C12orf54: variants seen among roughly 807,000 people sequenced by gnomAD.
The protein encoded by C12orf54 is uncharacterized protein C12orf54.
In C12orf54, 24 loss-of-function variants were observed where a neutral mutation model predicts 26.4. The observed-to-expected ratio is 0.91, with a 90% CI of 0.66 to 1.28. The LOEUF is 1.28. Ranked by LOEUF, C12orf54 falls within the 50% of genes most tolerant of loss-of-function variation. The pLI, the probability that C12orf54 is intolerant of heterozygous loss-of-function variation, is 0.00. For synonymous variants in C12orf54, 54 were observed against 47.0 expected (o/e 1.15, Z -0.61); for missense variants, 154 against 150.9 (o/e 1.02, Z -0.11).
chr12:48,476,057 A>G, the C12orf54 span, among the ~76,000 whole-genome samples: 147 of 152,118 alleles, frequency 9.7e-4, no homozygotes, highest in Non-Finnish European at 1.7e-3. Flanking sequence ...CTCGGCAGAA[A>G]CTCTACAAGC....
At position 48,483,306 on chromosome 12, in the gene C12orf54, C is replaced by A; in HGVS notation, c.10C>A (p.His4Asn). The A allele has an allele frequency of 1.2e-6, 2 of 1,613,976 alleles. No homozygotes were observed. The highest frequency in any genetic ancestry group is 2.2e-5 in the South Asian group (2 of 91,076). The change falls in exon 2 of 9, where the codon CAT becomes AAT. Residue 4 changes from histidine (H) to asparagine (N), a missense_variant. By Grantham distance (68) the His-to-Asn change is moderately conservative (BLOSUM62 1). Coordinates refer to ENST00000548364, the MANE Select transcript of C12orf54 (RefSeq NM_152319.4). MAQ[H>N]PCQDQEQKVE... ...TTCTGTCTGAGAACAAATGGCACAGCATCCCTGCCAGGATCAGGAACAAAA... is the reference window on the plus strand; with the variant it reads ...TTCTGTCTGAGAACAAATGGCACAGAATCCCTGCCAGGATCAGGAACAAAA...
intron 6 of C12orf54, among the ~76,000 whole-genome samples, chr12:48,492,682 G>A (rs983851251): frequency 2.0e-5 from 3 of 152,178 alleles, no homozygotes; most frequent in Admixed American, 1.3e-4. Flanking sequence ...AGCGCCCTGG[G>A]ATGGAAACAT....
chr12:48,427,732 A>G, the C12orf54 span, among the ~76,000 whole-genome samples: 32 of 152,100 alleles, frequency 2.1e-4, no homozygotes, highest in Non-Finnish European at 4.3e-4. Flanking sequence ...GGGGGACTTC[A>G]ATACTCCATT....
At chr12:48,456,749 C>T in the C12orf54 span, among the ~76,000 whole-genome samples, 1 of 151,836 alleles carries the variant, frequency 6.6e-6, no homozygotes, top group Non-Finnish European at 1.5e-5. Flanking sequence ...TTCCCTCTGT[C>T]TAGGTTCTCA....
intron 8 of C12orf54, chr12:48,495,680 C>G (rs963223889): frequency 6.6e-6 from 1 of 152,574 alleles, no homozygotes; most frequent in African/African-American, 2.4e-5. Context: ...TTTTAAGAAA[C>G]AATCTGAGTT....
intron 5 of C12orf54, among the ~76,000 whole-genome samples, chr12:48,489,663 A>C (rs1256155999): frequency 2.0e-5 from 3 of 151,444 alleles, no homozygotes; most frequent in Non-Finnish European, 4.4e-5. Context: ...GCCATCTGCC[A>C]GCCTTGGCCT....
chr12:48,495,203 A>G (rs556279812), intron 8 of C12orf54, among the ~76,000 whole-genome samples: 4 of 152,282 alleles, frequency 2.6e-5, no homozygotes, highest in Admixed American at 6.5e-5. Context: ...GAGTGCATCA[A>G]GTATGGACAG....
chr12:48,439,020 G>A, the C12orf54 span, among the ~76,000 whole-genome samples: 122 of 151,928 alleles, frequency 8.0e-4, 1 homozygote, highest in Non-Finnish European at 1.5e-3. Flanking sequence ...ACAAAGGGCT[G>A]ATATCCAGAA....
At chr12:48,488,347 G>T in intron 4 of C12orf54, 3 of 515,678 alleles carry the variant, frequency 5.8e-6, no homozygotes. Context: ...GTGCCCCCTG[G>T]TGCCGACAAG....
At chr12:48,438,700 A>T in the C12orf54 span, among the ~76,000 whole-genome samples, 3 of 152,246 alleles carry the variant, frequency 2.0e-5, no homozygotes, top group Non-Finnish European at 4.4e-5. Flanking sequence ...CTGGCTAGCC[A>T]TATGTAGAAA....
the C12orf54 span, among the ~76,000 whole-genome samples, chr12:48,430,542 A>T: frequency 6.6e-6 from 1 of 152,222 alleles, no homozygotes; most frequent in Admixed American, 6.5e-5. Flanking sequence ...CAAAAAACAT[A>T]TGAAAATAAT....
chr12:48,436,933 CAACA>C, the C12orf54 span, among the ~76,000 whole-genome samples: 48 of 152,230 alleles, frequency 3.2e-4, no homozygotes, highest in Middle Eastern at 3.4e-3. Context: ...AATAGAGACA[CAACA>C]AACCCTTCAA....
chr12:48,473,085 C>A, the C12orf54 span: 3 of 1,614,008 alleles, frequency 1.9e-6, no homozygotes, highest in Non-Finnish European at 2.5e-6. Context: ...GCTCCTCCTG[C>A]AACTCACATA....
the C12orf54 span, among the ~76,000 whole-genome samples, chr12:48,418,383 TTTA>T: frequency 6.6e-6 from 1 of 152,210 alleles, no homozygotes; most frequent in South Asian, 2.1e-4. Flanking sequence ...ATTCAATATT[TTTA>T]TTATTAATTT....
At chr12:48,454,084 CTTTTTTTGTTTGT>C in the C12orf54 span, among the ~76,000 whole-genome samples, 1 of 131,892 alleles carries the variant, frequency 7.6e-6, no homozygotes, top group Non-Finnish European at 1.6e-5. Flanking sequence ...CTCTCTCTCT[CTTTTTTTGTTTGT>C]TTTTTTTTTT....
Position 48,483,372 on chromosome 12 carries a change from T to G in C12orf54, c.65+11T>G. On this transcript the variant is annotated intron_variant, in intron 2 of 8. Transcript: ENST00000548364. ...CAAGCAGCAGAGAAGGTAATGGGGC[T>G]AATGATGACCCTCAAACATCCTTAG... 1 of 1,612,814 alleles carries G rather than the reference T, an allele frequency of 6.2e-7. No homozygotes were observed. The highest frequency in any genetic ancestry group is 1.3e-5 in the African/African-American group (1 of 74,964).
chr12:48,476,279 C>G, the C12orf54 span, among the ~76,000 whole-genome samples: 19,301 of 152,210 alleles, frequency 0.13, 1,617 homozygotes, highest in Non-Finnish European at 0.2. Flanking sequence ...CAGTACCAGT[C>G]ACTGCAAAAA....
chr12:48,486,692 A>G lies in C12orf54; in HGVS notation c.101A>G (p.Lys34Arg), dbSNP rs1937650048. Residue 34 changes from lysine to arginine, a missense_variant, in exon 4 of 9, where the codon AAA becomes AGA. Coordinates refer to ENST00000548364, the MANE Select transcript of C12orf54 (RefSeq NM_152319.4). ...ATTTGTTCCTTATTTCTACAGGAAA[A>G]ACAGGTAACCATCACTGAAACCCTG... ...SIEETMRPQE[K>R]QVTITETLWD... 15 of 1,612,888 alleles carry G rather than the reference A, an allele frequency of 9.3e-6. No individual in the cohort carries two copies. The highest frequency in any genetic ancestry group is 1.3e-5 in the Non-Finnish European group (15 of 1,178,872).
At chr12:48,463,016 GAACT>G in the C12orf54 span, among the ~76,000 whole-genome samples, 1 of 151,852 alleles carries the variant, frequency 6.6e-6, no homozygotes, top group Middle Eastern at 3.4e-3. Flanking sequence ...ACTTCCACTA[GAACT>G]AATATATGAG....
Sources: allele counts gnomAD v4.1 joint callset (sites outside exome capture counted in the v4.1 genomes callset), GRCh38; gene constraint gnomAD v4.1.1; transcripts MANE v1.5; gene names NCBI Gene and HGNC (gene_info 2026-07-23, HGNC 2026-07-21).